Variants in C9 observed in about 807,000 individuals in gnomAD.
The protein encoded by C9 is complement component C9.
Under a neutral mutation model 65.4 loss-of-function variants are expected in C9, and 63 were observed. The ratio of observed to expected loss-of-function variants is 0.96; its 90% confidence interval spans 0.79 to 1.19. The LOEUF is 1.19. C9 is among the 50% of genes most tolerant of loss of function. The pLI is 0.00. For synonymous variants in C9, 229 were observed against 227.9 expected, an observed-to-expected ratio of 1.00 and a Z score of -0.04; for missense variants, 744 against 670.1, an observed-to-expected ratio of 1.11 and a Z score of -1.22.
chr5:39,361,984 A>AT (rs919851840), intron 1 of C9, among the ~76,000 whole-genome samples: 8 of 152,092 alleles, frequency 5.3e-5, no homozygotes, highest in Admixed American at 4.6e-4. Context: ...GAAGGTTATT[A>AT]TTTTTTTTAA....
chr5:39,313,602 C>T (rs187187853), intron 6 of C9, among the ~76,000 whole-genome samples: 1 of 152,350 alleles, frequency 6.6e-6, no homozygotes, highest in African/African-American at 2.4e-5. Flanking sequence ...CCCAGCGATG[C>T]TGATGCTGCT....
chr5:39,345,037 G>C lies in C9; in HGVS notation c.78-2841C>G, dbSNP rs935832387. Among the ~76,000 whole-genome samples the C allele has an allele frequency of 1.4e-4, 21 of 152,222 alleles. No individual in the cohort carries two copies. The East Asian group carries it at 3.9e-3, about 28-fold the overall frequency. Reference sequence around the variant, plus strand: ...CTGAAGGAAGCACCAAACATGAAAAGAAACAACCAGTACCAGCCACTGCAA... The same window carrying C: ...CTGAAGGAAGCACCAAACATGAAAACAAACAACCAGTACCAGCCACTGCAA... On this transcript the variant is annotated intron_variant, in intron 1 of 10. Transcript: ENST00000263408.
intron 9 of C9, among the ~76,000 whole-genome samples, chr5:39,298,068 A>G (rs1397624669): frequency 6.6e-6 from 1 of 151,782 alleles, no homozygotes; most frequent in Non-Finnish European, 1.5e-5. Context: ...ACATTTCTGA[A>G]TAACCCATGT....
At chr5:39,313,147 A>C (rs2111891007) in intron 6 of C9, among the ~76,000 whole-genome samples, 1 of 152,296 alleles carries the variant, frequency 6.6e-6, no homozygotes, top group East Asian at 1.9e-4. Flanking sequence ...ATCTTAAAGC[A>C]ACAAAAAGTT....
At chr5:39,361,978 GTTA>G (rs969463031) in intron 1 of C9, among the ~76,000 whole-genome samples, 3 of 152,128 alleles carry the variant, frequency 2.0e-5, no homozygotes, top group Admixed American at 1.3e-4. Flanking sequence ...GCACAGGAAG[GTTA>G]TTATTTTTTT....
intron 4 of C9, among the ~76,000 whole-genome samples, chr5:39,336,722 G>A (rs13187470): frequency 0.28 from 42,830 of 151,928 alleles, 7,216 homozygotes; most frequent in Non-Finnish European, 0.38. Flanking sequence ...TAAGTGCTGA[G>A]AAGTTTTACT....
chr5:39,322,286 T>A (rs1753677479), intron 5 of C9, among the ~76,000 whole-genome samples: 1 of 151,848 alleles, frequency 6.6e-6, no homozygotes, highest in Non-Finnish European at 1.5e-5. Context: ...TAAAAATATC[T>A]TAAAATAAAT....
intron 5 of C9, among the ~76,000 whole-genome samples, chr5:39,324,808 A>G (rs1753720931): frequency 6.6e-6 from 1 of 152,236 alleles, no homozygotes; most frequent in East Asian, 1.9e-4. Flanking sequence ...CAGAAAGCAG[A>G]AAAACACAAA....
Position 39,293,625 on chromosome 5 carries a change from G to A in C9, c.1417-4674C>T, listed in dbSNP as rs572748145. ...TATTTGGGTACTTCAACATTTCACT[G>A]TCAGCGTTGGAGAGATTATCTAAAC... On this transcript the variant is annotated intron_variant, in intron 9 of 10. Coordinates refer to ENST00000263408, the MANE Select transcript of C9 (RefSeq NM_001737.5). Among the ~76,000 whole-genome samples, 25 of 152,022 alleles carry A rather than the reference G, an allele frequency of 1.6e-4. No individual in the cohort carries two copies. The South Asian group carries it at 4.1e-3, about 25-fold the overall frequency.
At chr5:39,305,824 C>T (rs1753363593) in intron 9 of C9, among the ~76,000 whole-genome samples, 1 of 151,940 alleles carries the variant, frequency 6.6e-6, no homozygotes, top group African/African-American at 2.4e-5. Context: ...AATTGTTCAC[C>T]GTTAGTCTTA....
At chr5:39,323,554 T>C (rs1753700188) in intron 5 of C9, among the ~76,000 whole-genome samples, 1 of 150,678 alleles carries the variant, frequency 6.6e-6, no homozygotes. Context: ...ATTAATGGAA[T>C]GAAGGATAAA....
Position 39,325,645 on chromosome 5 carries a change from G to A in C9, c.615+6031C>T, listed in dbSNP as rs758289886. Among the ~76,000 whole-genome samples, 12 of 152,024 alleles carry A rather than the reference G, an allele frequency of 7.9e-5. No homozygotes were observed. The South Asian group carries it at 1.5e-3, about 18-fold the overall frequency. On this transcript the variant is annotated intron_variant, in intron 5 of 10. Coordinates refer to ENST00000263408, the MANE Select transcript of C9 (RefSeq NM_001737.5). ...AAATTAGCTGAGCACGGTGGCGCAC[G>A]CCTCAAATCCCAGCTACTCAGGAGG...
Position 39,341,997 on chromosome 5 carries a change from G to T in C9, c.183+94C>A, listed in dbSNP as rs1345646032. ...CTCTTTCTGGGTTTGGAACTCAGTT[G>T]TGGGGCTCCCTGCCTCATAATCATT... On this transcript the variant is annotated intron_variant, in intron 2 of 10. Coordinates refer to ENST00000263408, the MANE Select transcript of C9 (RefSeq NM_001737.5). 1.2e-5 allele frequency: 10 copies of T among 820,032 alleles called. No individual in the cohort carries two copies. The East Asian group carries it at 1.7e-4, about 14-fold the overall frequency. The allele number at this position is 820,032 out of a possible 1,614,324, so 50.8% of individuals were successfully genotyped here. A position where few individuals can be genotyped will look rare whatever the true frequency, so the allele number is the denominator to read the frequency against.
intron 9 of C9, among the ~76,000 whole-genome samples, chr5:39,306,236 G>A (rs1487113499): frequency 2.0e-5 from 3 of 151,828 alleles, no homozygotes; most frequent in African/African-American, 4.8e-5. Context: ...GGAACACCAC[G>A]GGAAGGCAAG....
chr5:39,335,019 T>C (rs1753936138), intron 4 of C9, among the ~76,000 whole-genome samples: 1 of 151,632 alleles, frequency 6.6e-6, no homozygotes, highest in Non-Finnish European at 1.5e-5. Context: ...AAATAAACAC[T>C]TATTTTTGTA....
chr5:39,345,427 G>T (rs958327583), intron 1 of C9, among the ~76,000 whole-genome samples: 14 of 152,140 alleles, frequency 9.2e-5, no homozygotes, highest in African/African-American at 3.4e-4. Context: ...AGACAAAGAA[G>T]GCCATTACAT....
intron 3 of C9, 81 bp from the exon 4 acceptor site, chr5:39,341,374 A>G (rs1033076030): frequency 1.2e-5 from 18 of 1,537,248 alleles, no homozygotes; most frequent in Non-Finnish European, 1.6e-5. Context: ...ATGCATTTTA[A>G]CCCTGGAGGT....
intron 1 of C9, among the ~76,000 whole-genome samples, chr5:39,361,950 A>G (rs1754529686): frequency 6.6e-6 from 1 of 152,208 alleles, no homozygotes; most frequent in Non-Finnish European, 1.5e-5. Context: ...CCTAAACAAG[A>G]AAGATAGCAA....
At position 39,294,606 on chromosome 5, in the gene C9, T is replaced by C. The variant is rs181488796; in HGVS notation, c.1417-5655A>G. ...CAACAAAGAAAGGTCCAGGACCAGA[T>C]GGCTTCAATGTTGCATTCTACCAAA... is the stretch of plus-strand genomic sequence containing the variant. On this transcript the variant is annotated intron_variant, in intron 9 of 10. Transcript: ENST00000263408. Among the ~76,000 whole-genome samples, 825 of 152,000 alleles carry C rather than the reference T, an allele frequency of 5.4e-3. 7 individuals carry two copies. Among genetic ancestry groups the C allele is most frequent in the African/African-American group, 0.018 (749 of 41,528 alleles).
Sources: allele counts gnomAD v4.1 joint callset (sites outside exome capture counted in the v4.1 genomes callset), GRCh38; gene constraint gnomAD v4.1.1; transcripts MANE v1.5; gene names NCBI Gene and HGNC (gene_info 2026-07-23, HGNC 2026-07-21).